The following FHIT variants were observed in gnomAD, a reference collection of about 807,000 sequenced individuals.
FHIT encodes fragile histidine triad diadenosine triphosphatase.
A neutral mutation model predicts 17.9 loss-of-function variants in FHIT; 19 were observed. The ratio of observed to expected loss-of-function variants is 1.06; its 90% CI spans 0.74 to 1.56. The LOEUF (loss-of-function observed/expected upper bound fraction) is 1.56. FHIT is among the 40% of genes most tolerant of loss of function. The pLI is 0.00. For missense variants in FHIT, 248 were observed against 189.2 expected, an observed-to-expected ratio of 1.31 and a Z score of -1.82; for synonymous variants, 81 against 69.7, an observed-to-expected ratio of 1.16 and a Z score of -0.81.
chr3:60,502,797 G>A (rs953620223), intron 5 of FHIT, among the ~76,000 whole-genome samples: 2 of 152,116 alleles, frequency 1.3e-5, no homozygotes, highest in East Asian at 1.9e-4. Flanking sequence ...GAATTGCACG[G>A]TGTGTGAAGT....
chr3:60,883,641 G>A (rs1237114088), intron 3 of FHIT, among the ~76,000 whole-genome samples: 1 of 151,912 alleles, frequency 6.6e-6, no homozygotes, highest in African/African-American at 2.4e-5. Context: ...AAATGATGCT[G>A]GGAAAACTGG....
intron 1 of FHIT, among the ~76,000 whole-genome samples, chr3:61,230,096 T>C (rs1053199789): frequency 6.6e-6 from 1 of 152,242 alleles, no homozygotes; most frequent in African/African-American, 2.4e-5. Context: ...ATTCTGATCA[T>C]GTCTTAGTAT....
intron 4 of FHIT, among the ~76,000 whole-genome samples, chr3:60,780,489 G>A (rs942545331): frequency 6.6e-6 from 1 of 152,138 alleles, no homozygotes; most frequent in South Asian, 2.1e-4. Flanking sequence ...GGATCTTTGA[G>A]CTGTCCTTAC....
At chr3:59,876,274 C>G (rs1703155101) in intron 8 of FHIT, among the ~76,000 whole-genome samples, 1 of 152,122 alleles carries the variant, frequency 6.6e-6, no homozygotes, top group African/African-American at 2.4e-5. Context: ...GAGCTATGAT[C>G]TTAAAAAAGA....
At chr3:60,349,158 T>A (rs1304018945) in intron 5 of FHIT, among the ~76,000 whole-genome samples, 2 of 152,192 alleles carry the variant, frequency 1.3e-5, no homozygotes, top group East Asian at 3.8e-4. Flanking sequence ...TAATAAAAAA[T>A]TATTCATTTT....
In FHIT at chr3:60,811,533, T is replaced by G. The variant is rs551322530; in HGVS notation, c.-18+10386A>C. 4.6e-5 allele frequency among the ~76,000 whole-genome samples: 7 copies of G among 152,304 alleles called. No individual in the cohort carries two copies. In the South Asian group the frequency reaches 1.4e-3, roughly 32 times the overall value. On this transcript the variant is annotated intron_variant, in intron 4 of 9. Transcript: ENST00000492590. ...GCGGTTAGCAGATTTGTTTCCTGAT[T>G]TTCTATACATATGTTAGTAACCTTA...
intron 5 of FHIT, among the ~76,000 whole-genome samples, chr3:60,481,803 A>G (rs2033621247): frequency 6.6e-6 from 1 of 152,218 alleles, no homozygotes. Flanking sequence ...TCATCATGAC[A>G]GGATCAAATT....
intron 3 of FHIT, among the ~76,000 whole-genome samples, chr3:60,966,498 A>C (rs946023287): frequency 1.6e-4 from 25 of 151,962 alleles, no homozygotes; most frequent in Non-Finnish European, 7.4e-5. Context: ...TGCAGAAATC[A>C]CCCATCTTCT....
chr3:60,704,922 C>T (rs1421105994), intron 4 of FHIT, among the ~76,000 whole-genome samples: 3 of 152,052 alleles, frequency 2.0e-5, no homozygotes, highest in Admixed American at 6.6e-5. Flanking sequence ...TAAAATTAAA[C>T]TATTTAACTG....
At chr3:61,159,377 T>C (rs12633494) in intron 2 of FHIT, among the ~76,000 whole-genome samples, 11,345 of 152,150 alleles carry the variant, frequency 0.075, 1,155 homozygotes, top group East Asian at 0.43. Context: ...AGTCCCACAA[T>C]AGGGTGCACA....
intron 5 of FHIT, among the ~76,000 whole-genome samples, chr3:60,492,280 A>G (rs2034098726): frequency 6.6e-6 from 1 of 152,226 alleles, no homozygotes; most frequent in South Asian, 2.1e-4. Flanking sequence ...TTCAGCATTT[A>G]AAATATTGAT....
intron 2 of FHIT, among the ~76,000 whole-genome samples, chr3:61,157,607 T>C (rs1212702016): frequency 6.6e-6 from 1 of 152,206 alleles, no homozygotes; most frequent in Non-Finnish European, 1.5e-5. Context: ...GCAGTCACTC[T>C]GAGAAAGACA....
rs1244280791 is a variant in FHIT at position 60,571,248 on chromosome 3, A to C, written c.-17-34269T>G. ...CTACTCGGGAGACTGAGGCAGGAGA[A>C]TCACTTGAACCTGGTAAGCAGAGGT... On this transcript the variant is annotated intron_variant, in intron 4 of 9. Transcript: ENST00000492590. Among the ~76,000 whole-genome samples, 5 of 147,368 alleles carry C rather than the reference A, an allele frequency of 3.4e-5. No homozygotes were observed. In the East Asian group the frequency reaches 1.0e-3, roughly 31 times the overall value.
intron 4 of FHIT, among the ~76,000 whole-genome samples, chr3:60,705,197 C>T (rs2041343871): frequency 6.6e-6 from 1 of 152,046 alleles, no homozygotes. Flanking sequence ...ACTTTCATGA[C>T]ACTTTTCTTA....
At chr3:59,964,642 C>G (rs1053785436) in intron 7 of FHIT, among the ~76,000 whole-genome samples, 8 of 152,082 alleles carry the variant, frequency 5.3e-5, no homozygotes, top group African/African-American at 1.9e-4. Context: ...TAGTGGTGCT[C>G]AAATAGTGAA....
intron 2 of FHIT, among the ~76,000 whole-genome samples, chr3:61,131,088 C>A (rs1471718519): frequency 6.6e-6 from 1 of 152,132 alleles, no homozygotes; most frequent in Non-Finnish European, 1.5e-5. Flanking sequence ...AATGACCAAT[C>A]CCAAATTGTT....
chr3:61,187,412 A>G (rs909280366), intron 2 of FHIT, among the ~76,000 whole-genome samples: 48 of 152,172 alleles, frequency 3.2e-4, no homozygotes, highest in Admixed American at 9.2e-4. Flanking sequence ...CCAATACAGG[A>G]GCACCCAGAT....
intron 5 of FHIT, among the ~76,000 whole-genome samples, chr3:60,329,604 T>C (rs1398809344): frequency 6.6e-6 from 1 of 152,200 alleles, no homozygotes. Context: ...GAAAAGAAGT[T>C]AGGTGAGTAA....
chr3:60,086,708 A>G (rs1559619864), intron 5 of FHIT, among the ~76,000 whole-genome samples: 1 of 152,204 alleles, frequency 6.6e-6, no homozygotes. Flanking sequence ...CTTTGCCTCC[A>G]TGCCCTACAT....
Sources: allele counts gnomAD v4.1 joint callset (sites outside exome capture counted in the v4.1 genomes callset), GRCh38; gene constraint gnomAD v4.1.1; transcripts MANE v1.5; gene names NCBI Gene and HGNC (gene_info 2026-07-23, HGNC 2026-07-21).